Variants in COL18A1 observed in about 807,000 individuals in gnomAD.
COL18A1 encodes the protein collagen type XVIII alpha 1 chain.
A neutral mutation model predicts 168.0 loss-of-function variants in COL18A1; 133 were observed. That is an observed-to-expected ratio of 0.79 (90% CI 0.69 to 0.91). The LOEUF (loss-of-function observed/expected upper bound fraction) is 0.91. Ranked by LOEUF, COL18A1 falls within the 40% of genes least tolerant of loss-of-function variation. The pLI is 0.00. For missense variants in COL18A1, 2,126 were observed against 1,925.4 expected, an observed-to-expected ratio of 1.10 and a Z score of -1.95; for synonymous variants, 949 against 809.0, an observed-to-expected ratio of 1.17 and a Z score of -2.94.
At chr21:45,477,708 G>T (rs1223961936) in intron 7 of COL18A1, 42 bp from the exon 8 acceptor site, 2 of 1,499,282 alleles carry the variant, frequency 1.3e-6, no homozygotes, top group Non-Finnish European at 1.8e-6. Flanking sequence ...GGGTGTGTGG[G>T]GCCCCACCCC....
rs373748503 is a variant in COL18A1 at position 45,468,747 on chromosome 21, C to T, written c.612C>T (p.Phe204=). Residue 204 remains phenylalanine (F), a synonymous_variant, in exon 3 of 42, where the codon TTC becomes TTT. Transcript: ENST00000651438. ...GLELEPGAGL[F]VAQAGGADPD... is the part of the protein sequence containing the mutation. ...AGCTGGAGCCTGGCGCCGGGCTCTT[C>T]GTGGCTCAGGCGGGGGGAGCGGACC... The T allele has an allele frequency of 1.1e-3, 1,815 of 1,589,832 alleles. 22 individuals carry two copies. The African/African-American group carries it at 0.019, about 17-fold the overall frequency.
intron 2 of COL18A1, among the ~76,000 whole-genome samples, chr21:45,421,858 C>T (rs2123547944): frequency 6.6e-6 from 1 of 152,282 alleles, no homozygotes; most frequent in South Asian, 2.1e-4. Flanking sequence ...GGGCCAGTTG[C>T]ACCCCTCTGG....
chr21:45,459,521 C>T (rs1046731102), intron 2 of COL18A1, among the ~76,000 whole-genome samples: 3 of 152,244 alleles, frequency 2.0e-5, no homozygotes, highest in African/African-American at 7.2e-5. Context: ...TCGTCCTGGG[C>T]ACTGCCCTGT....
chr21:45,429,320 G>T (rs1569283293), intron 2 of COL18A1, among the ~76,000 whole-genome samples: 1 of 152,214 alleles, frequency 6.6e-6, no homozygotes, highest in Non-Finnish European at 1.5e-5. Context: ...AGAGTCCCAG[G>T]CATGGGCGTT....
chr21:45,502,422 A>G (rs2036915475), intron 32 of COL18A1: 1 of 152,258 alleles, frequency 6.6e-6, no homozygotes, highest in Admixed American at 6.5e-5. Flanking sequence ...TCTACACATC[A>G]GCCTAAGATG....
At chr21:45,472,369 G>A (rs1023544052) in intron 3 of COL18A1, among the ~76,000 whole-genome samples, 2 of 152,240 alleles carry the variant, frequency 1.3e-5, no homozygotes, top group African/African-American at 2.4e-5. Flanking sequence ...GACTACAGGC[G>A]CCCGCCACCA....
chr21:45,505,381 G>A lies in COL18A1; in HGVS notation c.3037G>A (p.Gly1013Ser), dbSNP rs2037134789. Residue 1013 changes from glycine to serine, a missense_variant, in exon 36 of 42, where the codon GGC (glycine) becomes AGC (serine). Physicochemically the swap from Gly to Ser is moderately conservative, Grantham distance 56 (BLOSUM62 0). Transcript: ENST00000651438. ...AGCTATCAGCGTTCCCGGCCCTCCG[G>A]GCCCCCCTGGGCCCCCTGGGCCCCC... The part of the protein sequence containing the change: ...RQTISVPGPP[G>S]PPGPPGPPGT... 1 of 1,591,260 alleles carries A rather than the reference G, an allele frequency of 6.3e-7. No homozygotes were observed.
chr21:45,433,950 G>T (rs530024456), intron 2 of COL18A1, among the ~76,000 whole-genome samples: 1 of 152,304 alleles, frequency 6.6e-6, no homozygotes, highest in South Asian at 2.1e-4. Context: ...CGGTGGGAAA[G>T]AGACCATCAG....
At chr21:45,480,343 G>A in intron 11 of COL18A1, 124 bp from the exon 12 acceptor site, 1 of 1,557,712 alleles carries the variant, frequency 6.4e-7, no homozygotes, top group Non-Finnish European at 8.8e-7. Context: ...GGCAGCAGAG[G>A]GGCCGTGGTT....
In COL18A1 at chr21:45,459,777, G is replaced by A. The variant is rs1602434815; in HGVS notation, c.107-8465G>A. Among the ~76,000 whole-genome samples the A allele has an allele frequency of 2.0e-5, 3 of 152,294 alleles. 1 individual carries two copies. In the Middle Eastern group the frequency reaches 0.01, roughly 518 times the overall value. On this transcript the variant is annotated intron_variant, in intron 2 of 41. Coordinates refer to ENST00000651438, the MANE Select transcript of COL18A1 (RefSeq NM_001379500.1). Reference sequence around the variant, plus strand: ...TGCTGCAGCTGCCAAGAGTGAGCGAGCGGGGCTTGGGCTTGGGCTGCCCGG... The same window carrying A: ...TGCTGCAGCTGCCAAGAGTGAGCGAACGGGGCTTGGGCTTGGGCTGCCCGG...
At chr21:45,468,017 C>G (rs978804796) in intron 2 of COL18A1, among the ~76,000 whole-genome samples, 1 of 152,224 alleles carries the variant, frequency 6.6e-6, no homozygotes, top group Non-Finnish European at 1.5e-5. Flanking sequence ...GTCCCCTGCA[C>G]ACAGGTTTCT....
At chr21:45,504,640 C>A in intron 34 of COL18A1, 84 bp downstream of exon 34, 1 of 1,274,032 alleles carries the variant, frequency 7.8e-7, no homozygotes, top group Non-Finnish European at 1.1e-6. Context: ...CGGCCTTCGA[C>A]ACCCGCGAAG....
intron 32 of COL18A1, among the ~76,000 whole-genome samples, chr21:45,502,172 C>T (rs1460929675): frequency 6.6e-6 from 1 of 152,194 alleles, no homozygotes; most frequent in African/African-American, 2.4e-5. Flanking sequence ...CAGCAGTGAC[C>T]TCCAACCCCA....
At position 45,456,298 on chromosome 21, in the gene COL18A1, C is replaced by T. The variant is rs374441004; in HGVS notation, c.107-11944C>T. The T allele has an allele frequency of 1.5e-4, 231 of 1,557,380 alleles. No individual in the cohort carries two copies. In the African/African-American group the frequency reaches 2.0e-3, roughly 14 times the overall value. On this transcript the variant is annotated intron_variant, in intron 2 of 41. Transcript: ENST00000651438. ...CCAGCCAGCAGCTCCAACGCCCTGA[C>T]GTCCGCCTGCGCACGCCACTTCTGC... is the stretch of plus-strand genomic sequence containing the variant.
chr21:45,434,383 A>AC (rs1230751557), intron 2 of COL18A1, among the ~76,000 whole-genome samples: 2 of 151,314 alleles, frequency 1.3e-5, no homozygotes, highest in Non-Finnish European at 2.9e-5. Flanking sequence ...TTCCCATCTG[A>AC]CCCCCCAGGC....
chr21:45,405,207 G>T lies in COL18A1; in HGVS notation c.-24G>T. ...CGCGGCGGAGGAGGCAGCATCCCGC[G>T]GCGCTGACGGTCCTGGGGAGAGCAT... On this transcript the variant is annotated 5_prime_UTR_variant, in exon 1 of 42. Coordinates refer to ENST00000651438, the MANE Select transcript of COL18A1 (RefSeq NM_001379500.1). 2.8e-6 allele frequency: 1 copy of T among 361,188 alleles called. No homozygotes were observed. Among genetic ancestry groups the T allele is most frequent in the Non-Finnish European group, 4.9e-6 (1 of 202,890 alleles). 22.4% of individuals were successfully genotyped at this position (361,188 alleles called of 1,614,324 possible). A position where few individuals can be genotyped will look rare whatever the true frequency, so the allele number is the denominator to read the frequency against.
rs558198644 is a variant in COL18A1, at chr21:45,449,288, G to A, written c.107-18954G>A. On this transcript the variant is annotated intron_variant, in intron 2 of 41. Coordinates refer to ENST00000651438, the MANE Select transcript of COL18A1 (RefSeq NM_001379500.1). The stretch of plus-strand genomic sequence containing the variant: ...CGGCCAGGTGCGGGGAGAAGAGGCA[G>A]GCTGCCCGCTGAGCGCCAGGCTGTG... 2.2e-3 allele frequency among the ~76,000 whole-genome samples: 334 copies of A among 152,324 alleles called. 3 individuals are homozygous for A. The highest frequency in any genetic ancestry group is 7.8e-3 in the African/African-American group (326 of 41,574).
chr21:45,447,201 A>G (rs574520947), intron 2 of COL18A1, among the ~76,000 whole-genome samples: 23 of 151,180 alleles, frequency 1.5e-4, no homozygotes, highest in Non-Finnish European at 2.8e-4. Flanking sequence ...GATCTTATAT[A>G]TATATATATC....
rs1270370227 is a variant in COL18A1, at chr21:45,498,469, C to A, written c.2683+808C>A. On this transcript the variant is annotated intron_variant, in intron 32 of 41. Transcript: ENST00000651438. This position sits in a 1 kb window ranked among gnomAD's most constrained non-coding sequence, Gnocchi z 4.5. Reference sequence around the variant, plus strand: ...CAGGGTCCCCTCTCGCCGCCACGGTCCCCGCTCGCCGCCAGGGTCCCCTCT... The same window carrying A: ...CAGGGTCCCCTCTCGCCGCCACGGTACCCGCTCGCCGCCAGGGTCCCCTCT... 1.4e-6 allele frequency: 1 copy of A among 705,904 alleles called. No individual in the cohort carries two copies. The highest frequency in any genetic ancestry group is 2.6e-6 in the Non-Finnish European group (1 of 378,644). The allele number at this position is 705,904 out of a possible 1,614,324, so 43.7% of individuals were successfully genotyped here.
Sources: gnomAD v4.1 joint callset for allele counts (sites outside exome capture counted in the v4.1 genomes callset) on GRCh38, gnomAD v4.1.1 for gene constraint, Gnocchi (gnomAD v3.1) non-coding constraint, MANE v1.5 for transcripts, NCBI Gene and HGNC (gene_info 2026-07-23, HGNC 2026-07-21) for gene names.